Variants in PIGL observed in about 807,000 individuals in gnomAD.
PIGL encodes the protein N-acetylglucosaminyl-phosphatidylinositol de-N-acetylase.
In PIGL, 22 loss-of-function variants were observed where a neutral mutation model predicts 31.1. The ratio of observed to expected loss-of-function variants is 0.71; its 90% confidence interval spans 0.51 to 1.01. PIGL has a LOEUF of 1.01. Among genes scored for constraint, PIGL ranks in the 50% least tolerant of loss-of-function variants. The pLI, the probability that PIGL is intolerant of heterozygous loss-of-function variation, is 0.00. For missense variants in PIGL, 302 were observed against 315.9 expected, an observed-to-expected ratio of 0.96 and a Z score of 0.33; for synonymous variants, 131 against 117.4, an observed-to-expected ratio of 1.12 and a Z score of -0.75.
intron 2 of PIGL, among the ~76,000 whole-genome samples, chr17:16,236,721 C>G (rs1568785435): frequency 1.3e-5 from 2 of 152,004 alleles, no homozygotes; most frequent in African/African-American, 4.8e-5. Context: ...GTACACGCCA[C>G]CATGCCCAGC....
chr17:16,243,114 A>T (rs1157828085), intron 2 of PIGL, among the ~76,000 whole-genome samples: 1 of 152,068 alleles, frequency 6.6e-6, no homozygotes, highest in African/African-American at 2.4e-5. Context: ...GCAGTGGTGC[A>T]ATCTTGGCTC....
chr17:16,311,510 G>C (rs1402953142), intron 3 of PIGL, among the ~76,000 whole-genome samples: 2 of 110,998 alleles, frequency 1.8e-5, no homozygotes, highest in Non-Finnish European at 3.7e-5. Flanking sequence ...CTCGAAGAGG[G>C]GGATTTGGCA....
chr17:16,282,103 C>T, intron 2 of PIGL: 1 of 502,412 alleles, frequency 2.0e-6, no homozygotes, highest in South Asian at 1.5e-5. Flanking sequence ...GAATAATTCA[C>T]CCTACAGAAG....
chr17:16,321,397 T>G (rs2093105379), intron 6 of PIGL, among the ~76,000 whole-genome samples: 1 of 151,940 alleles, frequency 6.6e-6, no homozygotes, highest in African/African-American at 2.4e-5. Context: ...TGGGCCACCA[T>G]GCCCAGCTAA....
intron 2 of PIGL, among the ~76,000 whole-genome samples, chr17:16,293,573 G>T (rs891765173): frequency 6.6e-6 from 1 of 152,202 alleles, no homozygotes; most frequent in African/African-American, 2.4e-5. Context: ...TTGCTTACAT[G>T]CATCAGCCCC....
chr17:16,247,272 C>T (rs2092752708), intron 2 of PIGL, among the ~76,000 whole-genome samples: 1 of 152,136 alleles, frequency 6.6e-6, no homozygotes, highest in Admixed American at 6.6e-5. Context: ...CATAGTATTC[C>T]ATCCCAGACT....
chr17:16,262,490 C>T (rs1004680097), intron 2 of PIGL, among the ~76,000 whole-genome samples: 12 of 152,054 alleles, frequency 7.9e-5, no homozygotes, highest in African/African-American at 2.9e-4. Context: ...ATGATGCAGC[C>T]ACCACAGAAA....
At chr17:16,217,984 A>G (rs1245134325) in intron 1 of PIGL, 1 of 152,238 alleles carries the variant, frequency 6.6e-6, no homozygotes, top group Non-Finnish European at 1.5e-5. Flanking sequence ...TTTTGTAGGT[A>G]ATTTTAGAGT....
intron 3 of PIGL, among the ~76,000 whole-genome samples, chr17:16,308,324 T>G (rs914817365): frequency 2.8e-5 from 4 of 140,556 alleles, no homozygotes; most frequent in Non-Finnish European, 6.1e-5. Flanking sequence ...AGGGTGAAAC[T>G]CCGTCTCAAA....
chr17:16,220,551 C>T (rs1270282489), intron 1 of PIGL, among the ~76,000 whole-genome samples: 1 of 122,548 alleles, frequency 8.2e-6, no homozygotes, highest in Non-Finnish European at 1.6e-5. Flanking sequence ...TGCAGTGGTT[C>T]GATCTTGGCT....
Position 16,245,784 on chromosome 17 carries a change from A to G in PIGL, c.335+11714A>G, listed in dbSNP as rs575336539. 2.7e-5 allele frequency among the ~76,000 whole-genome samples: 4 copies of G among 146,962 alleles called. No individual in the cohort carries two copies. In the South Asian group the frequency reaches 6.4e-4, roughly 23 times the overall value. ...TATATATACATACACACACACATAT[A>G]TATATATATACACACACACACATAT... On this transcript the variant is annotated intron_variant, in intron 2 of 6. Transcript: ENST00000225609.
chr17:16,249,860 G>A lies in PIGL; in HGVS notation c.335+15790G>A, dbSNP rs535520894. 3.3e-5 allele frequency among the ~76,000 whole-genome samples: 5 copies of A among 152,238 alleles called. No individual in the cohort carries two copies. In the East Asian group the frequency reaches 9.6e-4, roughly 29 times the overall value. ...CCTGAATCACAGGCCAGTATCCTCT[G>A]GAAACCCCCTCATAAAAATGCCCAG... On this transcript the variant is annotated intron_variant, in intron 2 of 6. Coordinates refer to ENST00000225609, the MANE Select transcript of PIGL (RefSeq NM_004278.4).
intron 6 of PIGL, among the ~76,000 whole-genome samples, chr17:16,318,225 AC>A (rs2093086942): frequency 1.3e-5 from 2 of 152,168 alleles, no homozygotes; most frequent in Admixed American, 1.3e-4. Flanking sequence ...CTGCAGTCCC[AC>A]CAATCACAGG....
intron 4 of PIGL, 94 bp from the exon 5 acceptor site, chr17:16,316,587 A>G: frequency 2.4e-6 from 3 of 1,256,162 alleles, no homozygotes; most frequent in Non-Finnish European, 3.4e-6. Context: ...GGAGGGGACC[A>G]TGGGCATGGC....
chr17:16,297,573 AT>A (rs2092987870), intron 2 of PIGL, among the ~76,000 whole-genome samples: 1 of 152,130 alleles, frequency 6.6e-6, no homozygotes, highest in Non-Finnish European at 1.5e-5. Context: ...ATTCCAAGAC[AT>A]TTTCTCTGTT....
At chr17:16,295,683 C>T (rs920642918) in intron 2 of PIGL, among the ~76,000 whole-genome samples, 3 of 152,124 alleles carry the variant, frequency 2.0e-5, no homozygotes, top group African/African-American at 7.2e-5. Context: ...GTGGCTCACG[C>T]CTGTACTCCC....
chr17:16,311,782 T>C (rs2142859599), intron 3 of PIGL, among the ~76,000 whole-genome samples: 1 of 152,056 alleles, frequency 6.6e-6, no homozygotes, highest in Middle Eastern at 3.4e-3. Flanking sequence ...GGGGGTAAGG[T>C]CAGAGATCAA....
In PIGL at chr17:16,296,837, C is replaced by A. The variant is rs551588175; in HGVS notation, c.336-3051C>A. ...GTTCACACCACTCTCCTGCCTCAGC[C>A]TCCCAAGTAGCTGGGACTACAGGCG... On this transcript the variant is annotated intron_variant, in intron 2 of 6. Transcript: ENST00000225609. Among the ~76,000 whole-genome samples, 1,355 of 151,878 alleles carry A rather than the reference C, an allele frequency of 8.9e-3. 23 individuals carry two copies. Among genetic ancestry groups the A allele is most frequent in the African/African-American group, 0.031 (1,292 of 41,476 alleles).
At chr17:16,217,637 G>C in intron 1 of PIGL, 176 bp downstream of exon 1, 1 of 529,970 alleles carries the variant, frequency 1.9e-6, no homozygotes, top group South Asian at 3.0e-5. Context: ...TTACCTGGTG[G>C]GTTGGGGGAC....
Sources: gnomAD v4.1 joint callset for allele counts (sites outside exome capture counted in the v4.1 genomes callset) on GRCh38, gnomAD v4.1.1 for gene constraint, MANE v1.5 for transcripts, NCBI Gene and HGNC (gene_info 2026-07-23, HGNC 2026-07-21) for gene names.